The following CNTN3 variants were observed in gnomAD, a reference collection of about 807,000 sequenced individuals.
The protein encoded by CNTN3 is contactin 3.
CNTN3 carries 60 observed loss-of-function variants against 119.1 expected under a neutral mutation model. That is an observed-to-expected ratio of 0.50 (90% CI 0.41 to 0.62). CNTN3 has a LOEUF of 0.62. CNTN3 is among the 20% of genes least tolerant of loss of function. The pLI is 0.00. For missense variants in CNTN3, 1,101 were observed against 1,242.4 expected (o/e 0.89, Z 1.71); for synonymous variants, 450 against 438.7 (o/e 1.03, Z -0.32).
intron 4 of CNTN3, among the ~76,000 whole-genome samples, chr3:74,456,888 G>A (rs1263988887): frequency 1.3e-5 from 2 of 151,800 alleles, no homozygotes; most frequent in African/African-American, 4.8e-5. Context: ...ACACTCAAAG[G>A]CAAAATAAAA....
At chr3:74,613,590 G>C (rs1705118843) in intron 1 of CNTN3, among the ~76,000 whole-genome samples, 1 of 152,158 alleles carries the variant, frequency 6.6e-6, no homozygotes, top group African/African-American at 2.4e-5. Context: ...TGCAATACAG[G>C]GAAAGACATA....
chr3:74,381,245 G>A (rs190875708), intron 5 of CNTN3, among the ~76,000 whole-genome samples: 5 of 151,498 alleles, frequency 3.3e-5, no homozygotes, highest in South Asian at 2.1e-4. Context: ...TTTCTGAATC[G>A]GTTAAAATAA....
chr3:74,385,164 G>A (rs960508754), intron 5 of CNTN3, among the ~76,000 whole-genome samples: 2 of 152,138 alleles, frequency 1.3e-5, no homozygotes, highest in Non-Finnish European at 2.9e-5. Context: ...ATTCAAATTA[G>A]CGAATTTTCT....
chr3:74,382,124 C>G (rs552091002), intron 5 of CNTN3, among the ~76,000 whole-genome samples: 48 of 152,216 alleles, frequency 3.2e-4, no homozygotes, highest in Non-Finnish European at 6.0e-4. Context: ...AGGAGAATCA[C>G]TTGAACCCAG....
chr3:74,507,663 G>A (rs1222612491), intron 2 of CNTN3, among the ~76,000 whole-genome samples: 1 of 90,412 alleles, frequency 1.1e-5, no homozygotes, highest in Non-Finnish European at 2.1e-5. Flanking sequence ...AAAGAGTCTT[G>A]TTCTGTCACG....
At chr3:74,338,011 G>A (rs1381322549) in intron 11 of CNTN3, among the ~76,000 whole-genome samples, 1 of 151,908 alleles carries the variant, frequency 6.6e-6, no homozygotes, top group Non-Finnish European at 1.5e-5. Context: ...TCATAATTAT[G>A]TTCTCTTTCT....
Position 74,499,804 on chromosome 3 carries a change from T to C in CNTN3, c.56-19A>G. 6.4e-7 allele frequency: 1 copy of C among 1,572,730 alleles called. No individual in the cohort carries two copies. Among genetic ancestry groups the C allele is most frequent in the South Asian group, 1.2e-5 (1 of 84,330 alleles). ...AGCTCACCTATATGGGTGGGAGACA[T>C]CCAAAAAATAATAATCAGTAAAAGG... On this transcript the variant is annotated intron_variant, in intron 2 of 22. Coordinates refer to ENST00000263665, the MANE Select transcript of CNTN3 (RefSeq NM_020872.3).
intron 8 of CNTN3, among the ~76,000 whole-genome samples, chr3:74,367,361 C>T (rs1704223454): frequency 6.6e-6 from 1 of 152,052 alleles, no homozygotes; most frequent in South Asian, 2.1e-4. Context: ...TCCTCTCTTC[C>T]TTATTCCTAA....
chr3:74,314,023 A>T (rs1023587344), intron 13 of CNTN3, among the ~76,000 whole-genome samples: 1 of 152,180 alleles, frequency 6.6e-6, no homozygotes, highest in Non-Finnish European at 1.5e-5. Context: ...AATTTCCTTC[A>T]ACTCCAACCC....
At chr3:74,509,942 G>C (rs997357202) in intron 2 of CNTN3, among the ~76,000 whole-genome samples, 1 of 151,230 alleles carries the variant, frequency 6.6e-6, no homozygotes, top group African/African-American at 2.4e-5. Flanking sequence ...CCTCATCCCC[G>C]GGCTTTATAC....
chr3:74,296,884 T>C (rs184323204), intron 18 of CNTN3, among the ~76,000 whole-genome samples: 5 of 150,078 alleles, frequency 3.3e-5, no homozygotes, highest in Non-Finnish European at 5.9e-5. Flanking sequence ...TTTTTTTTTT[T>C]GTAGAACTAC....
chr3:74,492,855 G>A (rs1478876079), intron 3 of CNTN3, among the ~76,000 whole-genome samples: 1 of 152,130 alleles, frequency 6.6e-6, no homozygotes, highest in East Asian at 1.9e-4. Context: ...GAGTCAAAAG[G>A]TGCTTTTCAA....
intron 13 of CNTN3, among the ~76,000 whole-genome samples, chr3:74,329,632 C>T (rs1323910430): frequency 6.6e-6 from 1 of 152,078 alleles, no homozygotes; most frequent in Non-Finnish European, 1.5e-5. Flanking sequence ...ATTACCAGGC[C>T]CTAGGTCTTC....
At chr3:74,598,329 ACCTTGTAAG>A (rs1704847612) in intron 1 of CNTN3, among the ~76,000 whole-genome samples, 1 of 152,074 alleles carries the variant, frequency 6.6e-6, no homozygotes, top group South Asian at 2.1e-4. Context: ...GGAGGCACCA[ACCTTGTAAG>A]TGAAGACATC....
chr3:74,468,245 T>C (rs765408309), intron 4 of CNTN3, among the ~76,000 whole-genome samples: 2 of 152,214 alleles, frequency 1.3e-5, no homozygotes, highest in African/African-American at 2.4e-5. Flanking sequence ...AAAAACAACA[T>C]TTACAGATGT....
intron 13 of CNTN3, among the ~76,000 whole-genome samples, chr3:74,327,302 T>A (rs1179138247): frequency 2.0e-5 from 3 of 151,884 alleles, no homozygotes; most frequent in Non-Finnish European, 4.4e-5. Context: ...CTAATTTTTG[T>A]ATTTTTAGTA....
At chr3:74,468,334 G>A (rs1309999853) in intron 4 of CNTN3, among the ~76,000 whole-genome samples, 1 of 152,154 alleles carries the variant, frequency 6.6e-6, no homozygotes, top group Non-Finnish European at 1.5e-5. Flanking sequence ...AAAGGGAAGG[G>A]AGCTAGCCAA....
At chr3:74,359,844 T>A (rs13070106) in intron 11 of CNTN3, among the ~76,000 whole-genome samples, 1 of 142,508 alleles carries the variant, frequency 7.0e-6, no homozygotes, top group East Asian at 2.1e-4. Context: ...CAATTAAAAA[T>A]TTTTGAACAC....
chr3:74,471,033 C>T (rs953743233), intron 4 of CNTN3, among the ~76,000 whole-genome samples: 4 of 152,100 alleles, frequency 2.6e-5, no homozygotes, highest in African/African-American at 7.2e-5. Context: ...CGTGCCACCA[C>T]GCCTAGCTAA....
Sources: allele counts gnomAD v4.1 joint callset (sites outside exome capture counted in the v4.1 genomes callset), GRCh38; gene constraint gnomAD v4.1.1; transcripts MANE v1.5; gene names NCBI Gene and HGNC (gene_info 2026-07-23, HGNC 2026-07-21).